Variants in FGGY observed in about 807,000 individuals in gnomAD.
FGGY encodes FGGY carbohydrate kinase domain containing, also known as FGGY carbohydrate kinase domain-containing protein.
Under a neutral mutation model 71.3 loss-of-function variants are expected in FGGY, and 72 were observed. That is an observed-to-expected ratio of 1.01 (90% confidence interval 0.84 to 1.23). The LOEUF (loss-of-function observed/expected upper bound fraction) is 1.23, where lower values mean the gene tolerates loss of function less well. Among genes scored for constraint, FGGY ranks in the 50% most tolerant of loss-of-function variants. FGGY has a pLI of 0.00. For synonymous variants in FGGY, 251 were observed against 250.3 expected, an observed-to-expected ratio of 1.00 and a Z score of -0.02; for missense variants, 668 against 682.3, an observed-to-expected ratio of 0.98 and a Z score of 0.23.
At chr1:59,747,947 C>T (rs2098214248) in intron 14 of FGGY, among the ~76,000 whole-genome samples, 1 of 152,154 alleles carries the variant, frequency 6.6e-6, no homozygotes, top group Non-Finnish European at 1.5e-5. Flanking sequence ...AGTTTCAAAT[C>T]CTGGCTTAGC....
At chr1:59,594,567 C>T (rs1261461616) in intron 8 of FGGY, among the ~76,000 whole-genome samples, 3 of 152,174 alleles carry the variant, frequency 2.0e-5, no homozygotes, top group African/African-American at 4.8e-5. Context: ...CTAGCCCCCA[C>T]GCCTCAGCAA....
At chr1:59,517,145 A>G (rs1052856121) in intron 7 of FGGY, among the ~76,000 whole-genome samples, 2 of 152,088 alleles carry the variant, frequency 1.3e-5, no homozygotes, top group Non-Finnish European at 2.9e-5. Flanking sequence ...TAGCTTATAA[A>G]AATAACATTA....
At chr1:59,407,579 T>C (rs1473070619) in intron 5 of FGGY, among the ~76,000 whole-genome samples, 2 of 152,286 alleles carry the variant, frequency 1.3e-5, no homozygotes, top group South Asian at 2.1e-4. Flanking sequence ...ATTCTGATAG[T>C]TATCCTGACC....
intron 8 of FGGY, among the ~76,000 whole-genome samples, chr1:59,598,552 G>A (rs2096545296): frequency 6.6e-6 from 1 of 152,164 alleles, no homozygotes; most frequent in African/African-American, 2.4e-5. Flanking sequence ...TGACAGACCT[G>A]CTCAGTGCCC....
chr1:59,442,764 G>A (rs78417285), intron 5 of FGGY, among the ~76,000 whole-genome samples: 2,091 of 152,296 alleles, frequency 0.014, 48 homozygotes, highest in African/African-American at 0.048. Context: ...CATGATGACA[G>A]TCATAGCCAC....
At position 59,384,237 on chromosome 1, in the gene FGGY, C is replaced by T. The variant is rs544925212; in HGVS notation, c.554+5400C>T. Among the ~76,000 whole-genome samples, 16 of 152,216 alleles carry T rather than the reference C, an allele frequency of 1.1e-4. 1 individual carries two copies. In the South Asian group the frequency reaches 1.5e-3, roughly 14 times the overall value. On this transcript the variant is annotated intron_variant, in intron 5 of 15. Transcript: ENST00000303721. ...AATCATCCCGTTCCCCCACCCACCC[C>T]GTACTTGTGAGCACCTTCAGAGACC...
At chr1:59,469,212 A>AT (rs1463255550) in intron 6 of FGGY, among the ~76,000 whole-genome samples, 1 of 152,210 alleles carries the variant, frequency 6.6e-6, no homozygotes. Context: ...AGAAGAAAGT[A>AT]TTAGTTCTTT....
At chr1:59,464,624 C>A (rs2092489601) in intron 6 of FGGY, among the ~76,000 whole-genome samples, 1 of 151,790 alleles carries the variant, frequency 6.6e-6, no homozygotes, top group Non-Finnish European at 1.5e-5. Context: ...AGACTGCTAG[C>A]AAGACTAATA....
chr1:59,308,020 A>T (rs2043708311), intron 1 of FGGY, among the ~76,000 whole-genome samples: 1 of 152,124 alleles, frequency 6.6e-6, no homozygotes, highest in Admixed American at 6.5e-5. Context: ...GAAAAGGAAG[A>T]CTTCCTGTGT....
intron 9 of FGGY, among the ~76,000 whole-genome samples, chr1:59,608,847 C>A (rs1021456060): frequency 5.9e-5 from 9 of 151,966 alleles, no homozygotes; most frequent in East Asian, 1.9e-4. Context: ...TAAAAAAAAA[C>A]CCCACAAAAT....
chr1:59,362,195 T>G lies in FGGY; in HGVS notation c.465+15797T>G, dbSNP rs148414299. ...TTTTGCTTTTGTCTTTATTTTCTTCTTTCTCCTATTTAATTTTTCTTGTTT... is the reference window on the plus strand; with the variant it reads ...TTTTGCTTTTGTCTTTATTTTCTTCGTTCTCCTATTTAATTTTTCTTGTTT... On this transcript the variant is annotated intron_variant, in intron 4 of 15. Transcript: ENST00000303721. Among the ~76,000 whole-genome samples, 543 of 137,644 alleles carry G rather than the reference T, an allele frequency of 3.9e-3. 6 individuals carry two copies. Among genetic ancestry groups the G allele is most frequent in the African/African-American group, 0.013 (479 of 37,424 alleles). 90.3% of individuals were successfully genotyped at this position (137,644 alleles called of 152,430 possible). A position where few individuals can be genotyped will look rare whatever the true frequency, so the allele number is the denominator to read the frequency against.
At chr1:59,748,425 GA>G (rs1242147192) in intron 14 of FGGY, among the ~76,000 whole-genome samples, 3 of 152,122 alleles carry the variant, frequency 2.0e-5, no homozygotes, top group Non-Finnish European at 2.9e-5. Flanking sequence ...AAATCATATG[GA>G]AAAAGCCAGA....
intron 8 of FGGY, among the ~76,000 whole-genome samples, chr1:59,596,326 C>G (rs1270935316): frequency 2.0e-5 from 3 of 151,236 alleles, no homozygotes; most frequent in African/African-American, 7.3e-5. Flanking sequence ...CCCATTACCT[C>G]TCTTGAATTT....
chr1:59,411,410 G>C (rs1477210314), intron 5 of FGGY, among the ~76,000 whole-genome samples: 1 of 152,214 alleles, frequency 6.6e-6, no homozygotes, highest in African/African-American at 2.4e-5. Context: ...GTGTCTTCCA[G>C]TTTATCCACT....
intron 5 of FGGY, among the ~76,000 whole-genome samples, chr1:59,446,973 C>T (rs906243353): frequency 2.6e-5 from 4 of 152,132 alleles, no homozygotes; most frequent in Admixed American, 6.5e-5. Flanking sequence ...TTTTGATGTG[C>T]GCCTTGCTCT....
In FGGY at chr1:59,499,299, G is replaced by GTTTTTTTTTTTTTTTTTTTTTTTT. The variant is rs58170089; in HGVS notation, c.671-12996_671-12995insTTTTTTTTTTTTTTTTTTTTTTTT. Among the ~76,000 whole-genome samples the GTTTTTTTTTTTTTTTTTTTTTTTT allele has an allele frequency of 5.7e-5, 6 of 105,820 alleles. 1 individual carries two copies. Among genetic ancestry groups the GTTTTTTTTTTTTTTTTTTTTTTTT allele is most frequent in the South Asian group, 3.0e-4 (1 of 3,354 alleles). 69.4% of individuals were successfully genotyped at this position (105,820 alleles called of 152,430 possible). A position where few individuals can be genotyped will look rare whatever the true frequency, so the allele number is the denominator to read the frequency against. Reference sequence around the variant, plus strand: ...ACTGAACCCTATGTATACTATGTTTGTTTTTTTTTTTTTTTTGATCTGGTA... The same window carrying GTTTTTTTTTTTTTTTTTTTTTTTT: ...ACTGAACCCTATGTATACTATGTTTGTTTTTTTTTTTTTTTTTTTTTTTTTTTTTTTTTTTTTTTTGATCTGGTA... On this transcript the variant is annotated intron_variant, in intron 6 of 15. Coordinates refer to ENST00000303721, the MANE Select transcript of FGGY (RefSeq NM_018291.5).
intron 4 of FGGY, among the ~76,000 whole-genome samples, chr1:59,365,857 T>C (rs76192828): frequency 6.6e-6 from 1 of 152,356 alleles, no homozygotes; most frequent in East Asian, 1.9e-4. Flanking sequence ...CATTTAATTC[T>C]CACAGCATCC....
At chr1:59,563,061 C>T (rs886818478) in intron 8 of FGGY, among the ~76,000 whole-genome samples, 1 of 152,140 alleles carries the variant, frequency 6.6e-6, no homozygotes, top group Admixed American at 6.5e-5. Flanking sequence ...ATTTGACTTC[C>T]TCTCTTCTTA....
In FGGY at chr1:59,456,994, T is replaced by C. The variant is rs780617931; in HGVS notation, c.588T>C (p.Tyr196=). The C allele has an allele frequency of 1.2e-6, 2 of 1,614,112 alleles. No individual in the cohort carries two copies. The highest frequency in any genetic ancestry group is 1.1e-5 in the South Asian group (1 of 91,086). ...SLCSLVCKWT[Y]SAEKGWDDSF... is the part of the protein sequence containing the mutation. ...GCTCCCTGGTGTGTAAGTGGACATATTCAGCAGAGAAAGGCTGGGACGACA... is the reference window on the plus strand; with the variant it reads ...GCTCCCTGGTGTGTAAGTGGACATACTCAGCAGAGAAAGGCTGGGACGACA... Residue 196 remains tyrosine, a synonymous_variant, in exon 6 of 16, where the codon TAT becomes TAC. Coordinates refer to ENST00000303721, the MANE Select transcript of FGGY (RefSeq NM_018291.5).
Sources: allele counts gnomAD v4.1 joint callset (sites outside exome capture counted in the v4.1 genomes callset), GRCh38; gene constraint gnomAD v4.1.1; transcripts MANE v1.5; gene names NCBI Gene and HGNC (gene_info 2026-07-23, HGNC 2026-07-21).